The following USP9X variants were observed in gnomAD, a reference collection of about 807,000 sequenced individuals.
USP9X encodes the protein ubiquitin carboxyl-terminal hydrolase 9X.
USP9X carries 7 observed loss-of-function variants against 190.3 expected under a neutral mutation model. That is an observed-to-expected ratio of 0.04 (90% confidence interval 0.02 to 0.07). USP9X has a LOEUF of 0.07. Among genes scored for constraint, USP9X ranks in the 10% least tolerant of loss-of-function variants. The pLI, the probability that USP9X is intolerant of heterozygous loss-of-function variation, is 1.00. For missense variants in USP9X, 1,010 were observed against 1,916.9 expected, an observed-to-expected ratio of 0.53 and a Z score of 8.83; for synonymous variants, 645 against 659.5, an observed-to-expected ratio of 0.98 and a Z score of 0.34.
intron 30 of USP9X, among the ~76,000 whole-genome samples, chrX:41,200,161 A>G (rs1258519486): frequency 3.6e-5 from 4 of 111,933 alleles, no homozygotes; most frequent in Non-Finnish European, 7.5e-5. Flanking sequence ...TTGATTGCTT[A>G]AAAGGTTAGA....
intron 14 of USP9X, among the ~76,000 whole-genome samples, chrX:41,153,531 C>G (rs2062549014): frequency 8.9e-6 from 1 of 112,391 alleles, no homozygotes; most frequent in Non-Finnish European, 1.9e-5. Context: ...GAGAGGCTGG[C>G]TGTAAGAATC....
chrX:41,186,216 T>TA (rs986060263), intron 23 of USP9X, among the ~76,000 whole-genome samples: 2 of 111,193 alleles, frequency 1.8e-5, no homozygotes, highest in Non-Finnish European at 3.8e-5. Flanking sequence ...ACTGAGTCTC[T>TA]AGAAGGGAAC....
chrX:41,178,938 G>C (rs1385022234), intron 21 of USP9X, among the ~76,000 whole-genome samples: 3 of 112,009 alleles, frequency 2.7e-5, no homozygotes, highest in African/African-American at 9.7e-5. Context: ...TGTATATTCT[G>C]TTTTTGCAAC....
chrX:41,125,678 A>ACTCTCT lies in USP9X; in HGVS notation c.96+1955_96+1956insTCTCTC, dbSNP rs1353372304. Among the ~76,000 whole-genome samples, 50 of 33,844 alleles carry ACTCTCT rather than the reference A, an allele frequency of 1.5e-3. 1 individual carries two copies. Among genetic ancestry groups the ACTCTCT allele is most frequent in the African/African-American group, 5.0e-3 (43 of 8,652 alleles). The allele number at this position is 33,844 out of a possible 115,157, so 29.4% of individuals were successfully genotyped here. Reference sequence around the variant, plus strand: ...CACACACACACACACACACACACACACACACACTCTCTCTCTCTCTCTCTC... The same window carrying ACTCTCT: ...CACACACACACACACACACACACACACTCTCTCACACACTCTCTCTCTCTCTCTCTC... On this transcript the variant is annotated intron_variant, in intron 2 of 44. Transcript: ENST00000378308.
At chrX:41,198,868 A>G in intron 30 of USP9X, 118 bp downstream of exon 30, 1 of 696,606 alleles carries the variant, frequency 1.4e-6, no homozygotes, top group Non-Finnish European at 2.1e-6. Context: ...CTAGTTTAAC[A>G]TTTTTAGTGA....
chrX:41,163,181 G>A (rs1337058694), intron 15 of USP9X, among the ~76,000 whole-genome samples: 5 of 111,333 alleles, frequency 4.5e-5, no homozygotes, highest in Admixed American at 9.6e-5. Flanking sequence ...ACCGGAAGGA[G>A]GACTATACTG....
rs1429737356 is a variant in USP9X, at chrX:41,085,913, C to G, written c.-355C>G. Reference sequence around the variant, plus strand: ...GCGCGGCGAGGAGCGAGTTCCGGCGCCGGTGTGCAGCCTTTTGGTTGAGAC... The same window carrying G: ...GCGCGGCGAGGAGCGAGTTCCGGCGGCGGTGTGCAGCCTTTTGGTTGAGAC... On this transcript the variant is annotated 5_prime_UTR_variant, in exon 1 of 45. Transcript: ENST00000378308. 1.0e-5 allele frequency: 3 copies of G among 295,954 alleles called. No individual in the cohort carries two copies. The highest frequency in any genetic ancestry group is 1.8e-5 in the Non-Finnish European group (3 of 170,160). The allele number at this position is 295,954 out of a possible 1,213,427, so 24.4% of individuals were successfully genotyped here.
At chrX:41,100,158 T>C (rs1019103271) in intron 1 of USP9X, among the ~76,000 whole-genome samples, 12 of 112,363 alleles carry the variant, frequency 1.1e-4, no homozygotes, top group African/African-American at 3.6e-4. Flanking sequence ...TTGTAAATTA[T>C]AAGTTCAATT....
At chrX:41,196,829 A>G in intron 28 of USP9X, 91 bp downstream of exon 28, 1 of 756,693 alleles carries the variant, frequency 1.3e-6, no homozygotes, top group Non-Finnish European at 1.9e-6. Context: ...TTTTGGTTAA[A>G]TGGAAAACTC....
chrX:41,126,372 G>C (rs1466577597), intron 2 of USP9X, among the ~76,000 whole-genome samples: 1 of 111,845 alleles, frequency 8.9e-6, no homozygotes, highest in African/African-American at 3.3e-5. Context: ...GTTTGAGTTG[G>C]ATGCTAAAGA....
intron 35 of USP9X, among the ~76,000 whole-genome samples, 157 bp downstream of exon 35, chrX:41,216,809 G>A (rs779511062): frequency 8.1e-5 from 9 of 111,230 alleles, no homozygotes; most frequent in South Asian, 3.8e-4. Context: ...TTGGGAGGCC[G>A]AGGTAGGTGG....
At chrX:41,143,173 GTATTA>G (rs777834747) in intron 9 of USP9X, 113 bp from the exon 10 acceptor site, 104 of 507,590 alleles carry the variant, frequency 2.0e-4, no homozygotes, top group Non-Finnish European at 3.0e-4. Context: ...TATTTTACCA[GTATTA>G]TATTTTGTAA....
intron 1 of USP9X, among the ~76,000 whole-genome samples, chrX:41,119,364 T>TA (rs1314165025): frequency 9.0e-6 from 1 of 110,933 alleles, no homozygotes; most frequent in Admixed American, 9.6e-5. Flanking sequence ...ATTTACAACT[T>TA]ACCTACTTTG....
At chrX:41,200,013 T>G (rs2063028170) in intron 30 of USP9X, among the ~76,000 whole-genome samples, 1 of 111,936 alleles carries the variant, frequency 8.9e-6, no homozygotes, top group Non-Finnish European at 1.9e-5. Flanking sequence ...TGATGCTGTT[T>G]TAAGAGAAAA....
In USP9X at chrX:41,184,619, C is replaced by A. The variant is rs761782955; in HGVS notation, c.3502C>A (p.Arg1168=). 1.7e-6 allele frequency: 2 copies of A among 1,211,364 alleles called. No homozygotes were observed. Among genetic ancestry groups the A allele is most frequent in the East Asian group, 5.9e-5 (2 of 33,832 alleles). Residue 1168 remains arginine, a synonymous_variant, in exon 23 of 45, where the codon CGA becomes AGA. Transcript: ENST00000378308. ...LLTAIGYGHV[R]AVAEACQPGV... is the part of the protein sequence containing the mutation. ...AACTGCCATTGGCTATGGTCATGTT[C>A]GAGCTGTGGCAGAAGCTTGTCAGCC...
At position 41,123,654 on chromosome X, in the gene USP9X, C is replaced by T. The variant is rs1300933321; in HGVS notation, c.26C>T (p.Pro9Leu). Residue 9 changes from proline to leucine, a missense_variant, in exon 2 of 45, where the codon CCG becomes CTG. By Grantham distance (98) the Pro-to-Leu change is moderately conservative. This residue lies in a region of USP9X where 176 missense variants were observed against 247.5 expected (regional missense o/e 0.71). Coordinates refer to ENST00000378308, the MANE Select transcript of USP9X (RefSeq NM_001039591.3). ...ATGACAGCCACGACTCGTGGCTCTC[C>T]GGTCGGAGGGAATGACAACCAGGGC... MTATTRGSPVGGNDNQGQA... is the reference protein window; with the variant it reads MTATTRGSLVGGNDNQGQA... 8.3e-7 allele frequency: 1 copy of T among 1,211,477 alleles called. No homozygotes were observed. Among genetic ancestry groups the T allele is most frequent in the East Asian group, 3.0e-5 (1 of 33,832 alleles).
At position 41,144,237 on chromosome X, in the gene USP9X, T is replaced by TTG. The variant is rs1441672124; in HGVS notation, c.1315-285_1315-284insTG. Among the ~76,000 whole-genome samples, 3,381 of 105,820 alleles carry TTG rather than the reference T, an allele frequency of 0.032. 158 individuals are homozygous for TTG. Among genetic ancestry groups the TTG allele is most frequent in the African/African-American group, 0.11 (3,104 of 28,728 alleles). 91.9% of individuals were successfully genotyped at this position (105,820 alleles called of 115,157 possible). A position where few individuals can be genotyped will look rare whatever the true frequency, so the allele number is the denominator to read the frequency against. ...ATGTTAGAATTTTTTTTTTTTTTTT[T>TTG]GAGATGGAGTTTTGTTCTGTTGCCC... On this transcript the variant is annotated intron_variant, in intron 10 of 44. Transcript: ENST00000378308.
At chrX:41,110,246 T>G (rs1479118317) in intron 1 of USP9X, among the ~76,000 whole-genome samples, 1 of 112,352 alleles carries the variant, frequency 8.9e-6, no homozygotes, top group Non-Finnish European at 1.9e-5. Flanking sequence ...TTTTATAACA[T>G]GATTTTTTAT....
intron 31 of USP9X, among the ~76,000 whole-genome samples, chrX:41,201,555 AAAGT>A (rs2063042080): frequency 9.0e-6 from 1 of 111,363 alleles, no homozygotes. Flanking sequence ...AGAAAAAGAA[AAAGT>A]AAGTAGGGAT....
Sources: allele counts gnomAD v4.1 joint callset (sites outside exome capture counted in the v4.1 genomes callset), GRCh38; gene constraint gnomAD v4.1.1; regional missense constraint gnomAD v4.1.1; transcripts MANE v1.5; gene names NCBI Gene and HGNC (gene_info 2026-07-23, HGNC 2026-07-21).